The following EZR variants were observed in gnomAD, a reference collection of about 807,000 sequenced individuals.
EZR encodes cytovillin 2.
EZR carries 40 observed loss-of-function variants against 74.8 expected under a neutral mutation model. The ratio of observed to expected loss-of-function variants is 0.53; its 90% CI spans 0.42 to 0.70. The LOEUF is 0.70. Ranked by LOEUF, EZR falls within the 30% of genes least tolerant of loss-of-function variation. The pLI, the probability that EZR is intolerant of heterozygous loss-of-function variation, is 0.00. For missense variants in EZR, 678 were observed against 755.8 expected (o/e 0.90, Z 1.21); for synonymous variants, 341 against 283.3 (o/e 1.20, Z -2.05).
At chr6:158,792,905 G>C (rs1791782807) in intron 2 of EZR, among the ~76,000 whole-genome samples, 2 of 151,796 alleles carry the variant, frequency 1.3e-5, no homozygotes, top group Non-Finnish European at 2.9e-5. Context: ...AGCACCAGCA[G>C]CTCCAACACA....
Position 158,818,114 on chromosome 6 carries a change from C to G in EZR, c.-21G>C. The stretch of plus-strand genomic sequence containing the variant: ...GGCATTTTCGGTTTCTGGTGAGTAT[C>G]CTCGATCCCCGAAAACACGACTATC... On this transcript the variant is annotated 5_prime_UTR_variant, in exon 2 of 14. Transcript: ENST00000367075. 6.2e-7 allele frequency: 1 copy of G among 1,607,146 alleles called. No individual in the cohort carries two copies. Among genetic ancestry groups the G allele is most frequent in the Non-Finnish European group, 8.5e-7 (1 of 1,175,350 alleles).
chr6:158,768,483 G>A (rs1463983633), intron 12 of EZR, among the ~76,000 whole-genome samples: 2 of 152,156 alleles, frequency 1.3e-5, no homozygotes, highest in Non-Finnish European at 2.9e-5. Flanking sequence ...GGAGAGCCGG[G>A]AGACACGTCC....
intron 2 of EZR, among the ~76,000 whole-genome samples, chr6:158,792,162 G>A (rs773431787): frequency 1.2e-4 from 19 of 152,158 alleles, no homozygotes; most frequent in Non-Finnish European, 2.8e-4. Flanking sequence ...TTTTGGTTCT[G>A]AAACAGTTTC....
intron 7 of EZR, among the ~76,000 whole-genome samples, chr6:158,781,646 C>T (rs912549278): frequency 3.9e-5 from 6 of 152,236 alleles, no homozygotes; most frequent in East Asian, 1.9e-4. Flanking sequence ...TTCCCACATA[C>T]GTTCCCACGA....
chr6:158,774,672 AAC>A (rs56400693), intron 8 of EZR, among the ~76,000 whole-genome samples: 14,675 of 142,222 alleles, frequency 0.1, 980 homozygotes, highest in African/African-American at 0.2. Context: ...CTTATCATCA[AAC>A]ACACACACAC....
At position 158,818,069 on chromosome 6, in the gene EZR, C is replaced by G. The variant is rs1562510851; in HGVS notation, c.12+13G>C. On this transcript the variant is annotated intron_variant, in intron 2 of 13. Coordinates refer to ENST00000367075, the MANE Select transcript of EZR (RefSeq NM_001111077.2). ...CTCTCCCGTCCGCCCGGCCCAGAAA[C>G]TGGGCAACTTACTGGTTTCGGCATT... 1.9e-6 allele frequency: 3 copies of G among 1,609,448 alleles called. No individual in the cohort carries two copies. The highest frequency in any genetic ancestry group is 2.5e-6 in the Non-Finnish European group (3 of 1,176,920).
At chr6:158,782,062 C>CCGTG (rs1206014140) in intron 7 of EZR, among the ~76,000 whole-genome samples, 1 of 152,158 alleles carries the variant, frequency 6.6e-6, no homozygotes, top group Non-Finnish European at 1.5e-5. Context: ...CCTGGCTTTT[C>CCGTG]CGTGCTTCTT....
intron 2 of EZR, among the ~76,000 whole-genome samples, chr6:158,813,210 CGTT>C (rs1274939497): frequency 2.6e-5 from 4 of 152,182 alleles, no homozygotes; most frequent in Non-Finnish European, 5.9e-5. Context: ...CCTTTGCACA[CGTT>C]GTTACCTCTG....
At chr6:158,794,560 A>T (rs554760908) in intron 2 of EZR, among the ~76,000 whole-genome samples, 130 of 151,650 alleles carry the variant, frequency 8.6e-4, no homozygotes, top group African/African-American at 3.0e-3. Flanking sequence ...ATGGGCTTAA[A>T]CACACCACCA....
intron 2 of EZR, among the ~76,000 whole-genome samples, chr6:158,809,933 T>C (rs1777417528): frequency 6.6e-6 from 1 of 152,210 alleles, no homozygotes; most frequent in Non-Finnish European, 1.5e-5. Context: ...GATGATAGTT[T>C]ACCTACCCCA....
chr6:158,773,819 T>C (rs902384910), intron 8 of EZR, among the ~76,000 whole-genome samples: 1 of 152,246 alleles, frequency 6.6e-6, no homozygotes, highest in African/African-American at 2.4e-5. Context: ...CAGAGCCTTC[T>C]GCCTTTTCCA....
chr6:158,771,141 C>T, intron 9 of EZR, 103 bp downstream of exon 9: 1 of 1,489,508 alleles, frequency 6.7e-7, no homozygotes, highest in Non-Finnish European at 9.0e-7. Flanking sequence ...TTCCATTCCA[C>T]CACACTCTCC....
At position 158,795,453 on chromosome 6, in the gene EZR, G is replaced by A. The variant is rs144402769; in HGVS notation, c.13-6082C>T. Among the ~76,000 whole-genome samples the A allele has an allele frequency of 1.1e-3, 165 of 152,154 alleles. 1 individual carries two copies. The highest frequency in any genetic ancestry group is 1.9e-3 in the Non-Finnish European group (129 of 68,012). On this transcript the variant is annotated intron_variant, in intron 2 of 13. Coordinates refer to ENST00000367075, the MANE Select transcript of EZR (RefSeq NM_001111077.2). ...AAAAATTGTATTTGTGTTATTACAG[G>A]TTAGCTCAGCTCGAACTTACTATAC... is the stretch of plus-strand genomic sequence containing the variant.
At chr6:158,773,234 A>AT (rs1197909825) in intron 8 of EZR, among the ~76,000 whole-genome samples, 2 of 152,184 alleles carry the variant, frequency 1.3e-5, no homozygotes, top group African/African-American at 4.8e-5. Context: ...AATGGTTAAC[A>AT]TAACAATGTC....
chr6:158,794,782 A>G (rs930508754), intron 2 of EZR, among the ~76,000 whole-genome samples: 1 of 152,186 alleles, frequency 6.6e-6, no homozygotes, highest in Non-Finnish European at 1.5e-5. Context: ...GCTTGCCAAA[A>G]TATTAAAAAC....
intron 9 of EZR, 53 bp downstream of exon 9, chr6:158,771,191 G>A: frequency 6.4e-7 from 1 of 1,557,386 alleles, no homozygotes; most frequent in Non-Finnish European, 8.7e-7. Flanking sequence ...CTGGCTGCCA[G>A]TGGCTGAGTT....
rs1368953272 is a variant in EZR at position 158,809,138 on chromosome 6, G to A, written c.12+8944C>T. Among the ~76,000 whole-genome samples, 3 of 152,274 alleles carry A rather than the reference G, an allele frequency of 2.0e-5. No homozygotes were observed. The East Asian group carries it at 5.8e-4, about 29-fold the overall frequency. On this transcript the variant is annotated intron_variant, in intron 2 of 13. Coordinates refer to ENST00000367075, the MANE Select transcript of EZR (RefSeq NM_001111077.2). The stretch of plus-strand genomic sequence containing the variant: ...CACCTATCCTCTTGCTTTGCTGCCA[G>A]AAAAGACAAAAAGCACAAATAAACA...
At chr6:158,777,041 AAC>A (rs546317626) in intron 7 of EZR, among the ~76,000 whole-genome samples, 9 of 152,142 alleles carry the variant, frequency 5.9e-5, no homozygotes, top group East Asian at 1.9e-4. Flanking sequence ...CCCACCTTTC[AAC>A]ACACAGTTCC....
intron 8 of EZR, among the ~76,000 whole-genome samples, chr6:158,772,612 A>G (rs1437531111): frequency 6.6e-6 from 1 of 152,160 alleles, no homozygotes; most frequent in African/African-American, 2.4e-5. Context: ...AACATTTGGG[A>G]CACAGCTGAC....
Sources: gnomAD v4.1 joint callset for allele counts (sites outside exome capture counted in the v4.1 genomes callset) on GRCh38, gnomAD v4.1.1 for gene constraint, MANE v1.5 for transcripts, NCBI Gene and HGNC (gene_info 2026-07-23, HGNC 2026-07-21) for gene names.